PDE4B: variants seen among roughly 807,000 people sequenced by gnomAD.
PDE4B encodes 3',5'-cyclic-AMP phosphodiesterase 4B.
PDE4B carries 20 observed loss-of-function variants against 82.2 expected under a neutral mutation model. The ratio of observed to expected loss-of-function variants is 0.24; its 90% CI spans 0.17 to 0.35. PDE4B has a LOEUF of 0.35. Among genes scored for constraint, PDE4B ranks in the 10% least tolerant of loss-of-function variants. PDE4B has a pLI of 1.00. For synonymous variants in PDE4B, 320 were observed against 318.9 expected, an observed-to-expected ratio of 1.00 and a Z score of -0.04; for missense variants, 655 against 907.2, an observed-to-expected ratio of 0.72 and a Z score of 3.57.
At position 66,151,295 on chromosome 1, in the gene PDE4B, C is replaced by T. The variant is rs575239820; in HGVS notation, c.282-96165C>T. Reference sequence around the variant, plus strand: ...CTGAAGCTGAAGTGACTCCCCATTGCCTACATGTTAAAATTTAATCTCATT... The same window carrying T: ...CTGAAGCTGAAGTGACTCCCCATTGTCTACATGTTAAAATTTAATCTCATT... On this transcript the variant is annotated intron_variant, in intron 3 of 16. Transcript: ENST00000341517. Among the ~76,000 whole-genome samples the T allele has an allele frequency of 2.6e-5, 4 of 152,210 alleles. No homozygotes were observed. The South Asian group carries it at 8.3e-4, about 32-fold the overall frequency.
intron 1 of PDE4B, among the ~76,000 whole-genome samples, chr1:65,862,194 A>G (rs1255820470): frequency 6.6e-6 from 1 of 152,184 alleles, no homozygotes; most frequent in Non-Finnish European, 1.5e-5. Context: ...TTTGTCATAA[A>G]TAGCTCTTAT....
intron 3 of PDE4B, among the ~76,000 whole-genome samples, chr1:66,132,505 A>G (rs1019331445): frequency 6.6e-6 from 1 of 152,216 alleles, no homozygotes; most frequent in African/African-American, 2.4e-5. Flanking sequence ...GGAACATAAT[A>G]TAAATTATAC....
chr1:66,056,538 TC>T (rs1655313016), intron 3 of PDE4B, among the ~76,000 whole-genome samples: 1 of 151,438 alleles, frequency 6.6e-6, no homozygotes, highest in African/African-American at 2.4e-5. Context: ...CTATCATCTA[TC>T]TATCTATCTA....
chr1:65,815,758 A>T (rs115935211), intron 1 of PDE4B, among the ~76,000 whole-genome samples: 1 of 152,226 alleles, frequency 6.6e-6, no homozygotes, highest in Non-Finnish European at 1.5e-5. Flanking sequence ...AATAAAATGC[A>T]CTTATCAGTC....
At chr1:66,023,964 A>C (rs746374011) in intron 3 of PDE4B, among the ~76,000 whole-genome samples, 5 of 152,108 alleles carry the variant, frequency 3.3e-5, no homozygotes, top group Non-Finnish European at 7.4e-5. Context: ...AAGAAAAAAA[A>C]TACTACATAC....
chr1:65,843,088 T>C (rs989509878), intron 1 of PDE4B, among the ~76,000 whole-genome samples: 5 of 152,118 alleles, frequency 3.3e-5, no homozygotes, highest in Admixed American at 2.0e-4. Context: ...ATGTAGACCA[T>C]TGGGGACCAT....
At chr1:66,257,351 A>T in intron 4 of PDE4B, 1 of 496,920 alleles carries the variant, frequency 2.0e-6, no homozygotes, top group Non-Finnish European at 3.9e-6. Context: ...TTTGAATTAC[A>T]GTACTCTGGA....
At chr1:65,963,432 G>A (rs1649648891) in intron 3 of PDE4B, among the ~76,000 whole-genome samples, 1 of 152,168 alleles carries the variant, frequency 6.6e-6, no homozygotes, top group African/African-American at 2.4e-5. Context: ...TGCTTGAGGT[G>A]TCCCTCATTG....
At chr1:66,199,068 C>T (rs979956109) in intron 3 of PDE4B, among the ~76,000 whole-genome samples, 1 of 151,782 alleles carries the variant, frequency 6.6e-6, no homozygotes, top group African/African-American at 2.4e-5. Context: ...CTGCAATAAA[C>T]ATACGTGTGC....
intron 4 of PDE4B, 88 bp downstream of exon 4, chr1:66,247,742 A>T: frequency 5.1e-6 from 5 of 981,174 alleles, no homozygotes; most frequent in Non-Finnish European, 7.5e-6. Context: ...TTCCCCATTA[A>T]TCTATGGTAA....
At chr1:65,952,246 C>T (rs1649035419) in intron 3 of PDE4B, among the ~76,000 whole-genome samples, 2 of 152,042 alleles carry the variant, frequency 1.3e-5, no homozygotes, top group African/African-American at 4.8e-5. Context: ...GATACCACCC[C>T]ATTAGCTTCA....
intron 3 of PDE4B, among the ~76,000 whole-genome samples, chr1:66,127,373 G>A (rs1645845490): frequency 1.3e-5 from 2 of 152,066 alleles, no homozygotes. Flanking sequence ...ACACGTTAGG[G>A]ATACTTCTAA....
At chr1:65,886,977 A>G (rs561989452) in intron 1 of PDE4B, among the ~76,000 whole-genome samples, 89 of 152,282 alleles carry the variant, frequency 5.8e-4, no homozygotes, top group Non-Finnish European at 9.8e-4. Context: ...ACTAATTTAC[A>G]TTCCCACCAA....
At chr1:65,812,969 A>G (rs1399203143) in intron 1 of PDE4B, among the ~76,000 whole-genome samples, 1 of 152,202 alleles carries the variant, frequency 6.6e-6, no homozygotes, top group Non-Finnish European at 1.5e-5. Context: ...AGATAAGGAC[A>G]CTAAAGTTTC....
At chr1:65,992,171 T>A (rs1651279516) in intron 3 of PDE4B, among the ~76,000 whole-genome samples, 1 of 152,218 alleles carries the variant, frequency 6.6e-6, no homozygotes, top group African/African-American at 2.4e-5. Flanking sequence ...AGCTCTTTCA[T>A]TCAAAAATGG....
chr1:66,159,244 ACTTT>A (rs1557600695), intron 3 of PDE4B, among the ~76,000 whole-genome samples: 1 of 150,594 alleles, frequency 6.6e-6, no homozygotes, highest in African/African-American at 2.4e-5. Context: ...ATAAAATAAA[ACTTT>A]TTTTTTTTTT....
At position 66,169,085 on chromosome 1, in the gene PDE4B, T is replaced by G. The variant is rs112804651; in HGVS notation, c.282-78375T>G. Among the ~76,000 whole-genome samples, 8 of 152,340 alleles carry G rather than the reference T, an allele frequency of 5.3e-5. 1 individual carries two copies. Among genetic ancestry groups the G allele is most frequent in the African/African-American group, 1.9e-4 (8 of 41,584 alleles). The stretch of plus-strand genomic sequence containing the variant: ...ATTCAAACATGCCTTCTCATTTGAT[T>G]GCAAACCAATCTTTTTCAGTATGAG... On this transcript the variant is annotated intron_variant, in intron 3 of 16. Transcript: ENST00000341517.
At chr1:66,070,579 G>A (rs181230017) in intron 3 of PDE4B, among the ~76,000 whole-genome samples, 1 of 152,124 alleles carries the variant, frequency 6.6e-6, no homozygotes, top group Non-Finnish European at 1.5e-5. Context: ...TGGGAAGGTG[G>A]AGATTTAGGC....
intron 1 of PDE4B, among the ~76,000 whole-genome samples, chr1:65,794,411 T>C (rs1055146285): frequency 6.6e-6 from 1 of 152,242 alleles, no homozygotes; most frequent in African/African-American, 2.4e-5. Context: ...ATACCAATTA[T>C]ATTCATAAAA....
Sources: gnomAD v4.1 joint callset for allele counts (sites outside exome capture counted in the v4.1 genomes callset) on GRCh38, gnomAD v4.1.1 for gene constraint, MANE v1.5 for transcripts, NCBI Gene and HGNC (gene_info 2026-07-23, HGNC 2026-07-21) for gene names.